The following RNF17 variants were observed in gnomAD, a reference collection of about 807,000 sequenced individuals.
RNF17 encodes the protein ring finger protein 17.
A neutral mutation model predicts 200.5 loss-of-function variants in RNF17; 31 were observed. The observed-to-expected ratio is 0.15, with a 90% CI of 0.12 to 0.21. The LOEUF is 0.21. Among genes scored for constraint, RNF17 ranks in the 10% least tolerant of loss-of-function variants. RNF17 has a pLI of 1.00. For synonymous variants in RNF17, 606 were observed against 637.8 expected (o/e 0.95, Z 0.75); for missense variants, 1,628 against 1,905.1 (o/e 0.85, Z 2.71).
At chr13:24,867,237 A>C (rs1893729042) in intron 30 of RNF17, among the ~76,000 whole-genome samples, 1 of 152,190 alleles carries the variant, frequency 6.6e-6, no homozygotes, top group East Asian at 1.9e-4. Context: ...TATATTGCCC[A>C]GGCTGGTCTT....
chr13:24,799,701 C>T (rs1885011016), intron 12 of RNF17, 117 bp downstream of exon 12: 2 of 637,752 alleles, frequency 3.1e-6, no homozygotes, highest in Admixed American at 3.2e-5. Context: ...TCTTAACTTC[C>T]AAGACATACG....
intron 22 of RNF17, among the ~76,000 whole-genome samples, chr13:24,849,692 C>CT (rs1891645921): frequency 6.6e-6 from 1 of 152,170 alleles, no homozygotes; most frequent in African/African-American, 2.4e-5. Flanking sequence ...TTGCTGAAAG[C>CT]TTAGGCTATG....
rs763427881 is a variant in RNF17, at chr13:24,842,057, T to C, written c.2499T>C (p.Asn833=). The change falls in exon 19 of 36, where the codon AAT becomes AAC. Residue 833 remains asparagine, a synonymous_variant. Coordinates refer to ENST00000255324, the MANE Select transcript of RNF17 (RefSeq NM_031277.3). Reference sequence around the variant, plus strand: ...GTTTTACAGAAATTCTGGAAGATAATGTGCTCTTAGTTGAGCTTTTCGATT... The same window carrying C: ...GTTTTACAGAAATTCTGGAAGATAACGTGCTCTTAGTTGAGCTTTTCGATT... ...TCSVIKILED[N]VLLVELFDSL... 3.7e-6 allele frequency: 6 copies of C among 1,608,292 alleles called. No homozygotes were observed. The highest frequency in any genetic ancestry group is 4.2e-6 in the Non-Finnish European group (5 of 1,178,076).
In RNF17 at chr13:24,868,688, A is replaced by G. The variant is rs923134613; in HGVS notation, c.4250A>G (p.Gln1417Arg). 3.1e-6 allele frequency: 5 copies of G among 1,589,044 alleles called. No individual in the cohort carries two copies. The highest frequency in any genetic ancestry group is 4.3e-6 in the Non-Finnish European group (5 of 1,157,484). ...TCCCCAGGAGAACTCTATGCTGTTC[A>G]AGTTAAGCACGTTGTCTCACCTAAT... ...LPSPGELYAVQVKHVVSPNEV... is the reference protein window; with the variant it reads ...LPSPGELYAVRVKHVVSPNEV... The change falls in exon 31 of 36, where the codon CAA becomes CGA. Residue 1417 changes from glutamine (Q) to arginine (R), a missense_variant. Physicochemically the swap from Gln to Arg is conservative, Grantham distance 43. Transcript: ENST00000255324.
At chr13:24,768,509 C>T (rs1880125283) in intron 2 of RNF17, among the ~76,000 whole-genome samples, 1 of 152,110 alleles carries the variant, frequency 6.6e-6, no homozygotes, top group Non-Finnish European at 1.5e-5. Flanking sequence ...TGGTCTCGAT[C>T]TCCTCACCTC....
chr13:24,764,888 G>GGGGTGTGTGT lies in RNF17; in HGVS notation c.130+556_130+557insGGTGTGTGTG, dbSNP rs899352115. Among the ~76,000 whole-genome samples, 1,029 of 134,130 alleles carry GGGGTGTGTGT rather than the reference G, an allele frequency of 7.7e-3. 10 individuals are homozygous for GGGGTGTGTGT. Among genetic ancestry groups the GGGGTGTGTGT allele is most frequent in the East Asian group, 0.011 (55 of 4,900 alleles). The allele number at this position is 134,130 out of a possible 152,430, so 88.0% of individuals were successfully genotyped here. A position where few individuals can be genotyped will look rare whatever the true frequency, so the allele number is the denominator to read the frequency against. ...ATAGTTTCTTTTGTGCACCTTGTGGGGTGTGTGTGTGTGTGTGTGTGTGTG... is the reference window on the plus strand; with the variant it reads ...ATAGTTTCTTTTGTGCACCTTGTGGGGGGTGTGTGTGTGTGTGTGTGTGTGTGTGTGTGTG... On this transcript the variant is annotated intron_variant, in intron 1 of 35. Transcript: ENST00000255324.
At chr13:24,886,290 A>G in the RNF17 span, 1,269,850 of 1,288,638 alleles carry the variant, frequency 0.99, 625,769 homozygotes, top group Middle Eastern at 0.99. Context: ...AAAGTGTAAC[A>G]GAGCTGGATG....
intron 18 of RNF17, among the ~76,000 whole-genome samples, chr13:24,841,415 A>G (rs1272301059): frequency 6.6e-6 from 1 of 152,218 alleles, no homozygotes; most frequent in Non-Finnish European, 1.5e-5. Context: ...CCATAAAACA[A>G]TTAAGAATAC....
At chr13:24,885,828 C>T in the RNF17 span, 17 of 638,090 alleles carry the variant, frequency 2.7e-5, no homozygotes, top group African/African-American at 1.8e-4. Context: ...TGTAGTTCTC[C>T]GACACAGGTA....
intron 30 of RNF17, among the ~76,000 whole-genome samples, chr13:24,868,238 A>C (rs1351307718): frequency 6.6e-6 from 1 of 151,894 alleles, no homozygotes; most frequent in African/African-American, 2.4e-5. Context: ...TGGGAGGCCG[A>C]GGCGGGCGGA....
intron 3 of RNF17, among the ~76,000 whole-genome samples, 195 bp from the exon 4 acceptor site, chr13:24,778,100 A>G (rs1166655726): frequency 6.6e-6 from 1 of 152,082 alleles, no homozygotes; most frequent in East Asian, 1.9e-4. Context: ...CATCTCTACA[A>G]AAAATACAAA....
intron 27 of RNF17, among the ~76,000 whole-genome samples, chr13:24,861,886 T>C (rs1050259653): frequency 6.6e-6 from 1 of 152,138 alleles, no homozygotes; most frequent in Non-Finnish European, 1.5e-5. Flanking sequence ...TAAGACTGGG[T>C]AATTTATGAA....
chr13:24,797,709 TGTGTGTGTG>T (rs1884760311), intron 11 of RNF17, among the ~76,000 whole-genome samples: 13 of 146,144 alleles, frequency 8.9e-5, no homozygotes, highest in African/African-American at 2.9e-4. Context: ...ACAAAGAGTG[TGTGTGTGTG>T]TGTGTGTGTG....
intron 12 of RNF17, 149 bp downstream of exon 12, chr13:24,799,733 T>C: frequency 1.7e-6 from 1 of 591,632 alleles, no homozygotes; most frequent in Non-Finnish European, 2.9e-6. Flanking sequence ...TGCTCTACTG[T>C]TGTCTTGATA....
chr13:24,769,227 T>C (rs1880301462), intron 2 of RNF17, among the ~76,000 whole-genome samples: 1 of 152,164 alleles, frequency 6.6e-6, no homozygotes, highest in Admixed American at 6.5e-5. Flanking sequence ...TCACATTTAA[T>C]GTTCTTAAAT....
At chr13:24,837,712 C>G (rs181129619) in intron 18 of RNF17, among the ~76,000 whole-genome samples, 1 of 152,080 alleles carries the variant, frequency 6.6e-6, no homozygotes, top group Admixed American at 6.6e-5. Context: ...AGAAAAGTTC[C>G]TAGCCCTACA....
chr13:24,796,619 A>G (rs1884608224), intron 11 of RNF17, among the ~76,000 whole-genome samples: 2 of 152,102 alleles, frequency 1.3e-5, no homozygotes. Context: ...CTGTAAGATG[A>G]TTCTTGTGTA....
intron 19 of RNF17, among the ~76,000 whole-genome samples, chr13:24,843,501 G>A (rs1001976044): frequency 1.1e-4 from 16 of 152,146 alleles, no homozygotes; most frequent in African/African-American, 3.6e-4. Context: ...CTGGGTGACA[G>A]AGCGAGACTC....
chr13:24,881,916 A>ATATAGATATATAGATACC (rs1593521419), downstream of RNF17, among the ~76,000 whole-genome samples: 33 of 62,362 alleles, frequency 5.3e-4, no homozygotes, highest in Non-Finnish European at 1.1e-3. Context: ...ATATAGATAC[A>ATATAGATATATAGATACC]TCTATATAGA....
Sources: allele counts gnomAD v4.1 joint callset (sites outside exome capture counted in the v4.1 genomes callset), GRCh38; gene constraint gnomAD v4.1.1; transcripts MANE v1.5; gene names NCBI Gene and HGNC (gene_info 2026-07-23, HGNC 2026-07-21).